The following VIPR2 variants were observed in gnomAD, a reference collection of about 807,000 sequenced individuals.
VIPR2 encodes the protein vasoactive intestinal polypeptide receptor 2.
Under a neutral mutation model 58.0 loss-of-function variants are expected in VIPR2, and 48 were observed. The ratio of observed to expected loss-of-function variants is 0.83; its 90% CI spans 0.66 to 1.05. VIPR2 has a LOEUF of 1.05. VIPR2 is among the 50% of genes least tolerant of loss of function. The pLI is 0.00. For synonymous variants in VIPR2, 243 were observed against 235.2 expected, an observed-to-expected ratio of 1.03 and a Z score of -0.30; for missense variants, 534 against 558.0, an observed-to-expected ratio of 0.96 and a Z score of 0.43.
rs116531485 is a variant in VIPR2, at chr7:159,059,703, C to T, written c.358-1125G>A. On this transcript the variant is annotated intron_variant, in intron 4 of 12. Transcript: ENST00000262178. ...TCCTCATCCTTCCCGACTCCACTCA[C>T]GAGAATATGTCATTAACCACCACCC... is the stretch of plus-strand genomic sequence containing the variant. Among the ~76,000 whole-genome samples the T allele has an allele frequency of 6.8e-3, 947 of 139,130 alleles. 6 individuals carry two copies. The highest frequency in any genetic ancestry group is 0.023 in the African/African-American group (908 of 40,044). 91.3% of individuals were successfully genotyped at this position (139,130 alleles called of 152,430 possible).
intron 7 of VIPR2, among the ~76,000 whole-genome samples, chr7:159,036,225 CTG>C (rs919764841): frequency 1.2e-4 from 18 of 152,232 alleles, no homozygotes; most frequent in African/African-American, 3.9e-4. Context: ...AGCTGAGAAT[CTG>C]AGACTTGCCA....
At chr7:159,144,467 C>G (rs1028762130) in intron 1 of VIPR2, 2 of 1,540,762 alleles carry the variant, frequency 1.3e-6, no homozygotes, top group Non-Finnish European at 1.8e-6. Flanking sequence ...CCAGCAAACC[C>G]CGGACGGTGG....
chr7:159,110,031 T>G (rs1190044458), intron 2 of VIPR2, 112 bp from the exon 3 acceptor site: 2 of 925,634 alleles, frequency 2.2e-6, no homozygotes, highest in African/African-American at 3.3e-5. Flanking sequence ...GAAACACACT[T>G]GCACCAACAC....
chr7:159,131,443 T>C (rs998349852), intron 2 of VIPR2, among the ~76,000 whole-genome samples: 3 of 152,206 alleles, frequency 2.0e-5, no homozygotes, highest in African/African-American at 7.2e-5. Flanking sequence ...TGATGCTTCC[T>C]TTATCCCCTT....
chr7:159,132,638 G>A (rs572163694), intron 2 of VIPR2, among the ~76,000 whole-genome samples: 84 of 152,242 alleles, frequency 5.5e-4, no homozygotes, highest in South Asian at 8.3e-4. Context: ...GGATGACTCC[G>A]AGTCACAGTG....
intron 2 of VIPR2, among the ~76,000 whole-genome samples, chr7:159,123,248 G>A (rs1319155064): frequency 7.7e-5 from 9 of 117,560 alleles, no homozygotes; most frequent in African/African-American, 1.3e-4. Context: ...AGCCAAGGTC[G>A]CCCCACTGCA....
intron 6 of VIPR2, among the ~76,000 whole-genome samples, chr7:159,041,749 G>A (rs1196272963): frequency 6.6e-6 from 1 of 151,994 alleles, no homozygotes; most frequent in South Asian, 2.1e-4. Flanking sequence ...CCATGGGTCC[G>A]AGTGGTCCTC....
At chr7:159,110,000 C>T in intron 2 of VIPR2, 81 bp from the exon 3 acceptor site, 7 of 1,317,238 alleles carry the variant, frequency 5.3e-6, no homozygotes, top group Non-Finnish European at 7.5e-6. Context: ...GAGATAACTG[C>T]CTCGCAAACT....
chr7:159,092,276 T>C (rs1857548677), intron 4 of VIPR2, among the ~76,000 whole-genome samples: 1 of 152,170 alleles, frequency 6.6e-6, no homozygotes, highest in South Asian at 2.1e-4. Flanking sequence ...CTGACACTCA[T>C]GAAGCCGAGA....
chr7:159,072,269 G>A (rs57521971), intron 4 of VIPR2, among the ~76,000 whole-genome samples: 4,647 of 152,050 alleles, frequency 0.031, 212 homozygotes, highest in African/African-American at 0.1. Flanking sequence ...AAAATCCAGA[G>A]TCCCATGTCT....
chr7:159,051,059 A>T (rs1026302663), intron 5 of VIPR2, among the ~76,000 whole-genome samples: 5 of 152,238 alleles, frequency 3.3e-5, no homozygotes, highest in Admixed American at 2.0e-4. Context: ...ACCAAAACTC[A>T]TAAGAATTCA....
chr7:159,099,159 CCTTTT>C lies in VIPR2; in HGVS notation c.357+4593_357+4597del, dbSNP rs1444528356. Among the ~76,000 whole-genome samples the C allele has an allele frequency of 1.3e-5, 2 of 152,254 alleles. No individual in the cohort carries two copies. Among genetic ancestry groups the C allele is most frequent in the Non-Finnish European group, 2.9e-5 (2 of 68,054 alleles). The stretch of plus-strand genomic sequence containing the variant: ...ATTATTCATTTTGGTTTTGTGCCAT[CCTTTT>C]CTTTGCTTTCTCACTTTAAAATATT... On this transcript the variant is annotated intron_variant, in intron 4 of 12. Coordinates refer to ENST00000262178, the MANE Select transcript of VIPR2 (RefSeq NM_003382.5). The surrounding 1 kb of genome is among the most constrained non-coding windows in gnomAD (Gnocchi z 4.2).
rs1224317697 is a variant in VIPR2, at chr7:159,095,517, G to A, written c.357+8240C>T. 1.3e-5 allele frequency among the ~76,000 whole-genome samples: 2 copies of A among 152,174 alleles called. No individual in the cohort carries two copies. The highest frequency in any genetic ancestry group is 1.9e-4 in the East Asian group (1 of 5,194). On this transcript the variant is annotated intron_variant, in intron 4 of 12. Transcript: ENST00000262178. This position sits in a 1 kb window ranked among gnomAD's most constrained non-coding sequence, Gnocchi z 5.2. ...AGTCTGGGGTTCAAAGGCAAAGCAC[G>A]TATAAATTTAAGTGGTTTTTTTAGT...
At chr7:159,116,295 T>C (rs1272859483) in intron 2 of VIPR2, among the ~76,000 whole-genome samples, 1 of 152,228 alleles carries the variant, frequency 6.6e-6, no homozygotes, top group African/African-American at 2.4e-5. Context: ...ATTTGTGCCA[T>C]AGCCACACAT....
intron 3 of VIPR2, among the ~76,000 whole-genome samples, chr7:159,108,679 T>C (rs1462061779): frequency 6.6e-6 from 1 of 152,224 alleles, no homozygotes; most frequent in Non-Finnish European, 1.5e-5. Context: ...TGGATTCTGG[T>C]GCTTGCTAAT....
intron 2 of VIPR2, among the ~76,000 whole-genome samples, chr7:159,114,699 A>C (rs112510967): frequency 0.04 from 6,127 of 152,136 alleles, 407 homozygotes; most frequent in African/African-American, 0.14. Flanking sequence ...CCAGCCACCC[A>C]GGAGGCTGAG....
intron 4 of VIPR2, 48 bp downstream of exon 4, chr7:159,103,709 G>A: frequency 7.0e-7 from 1 of 1,424,176 alleles, no homozygotes; most frequent in Non-Finnish European, 9.9e-7. Flanking sequence ...TTCTGGTGCA[G>A]TGTTAGGAAG....
chr7:159,109,295 G>A (rs1795896221), intron 3 of VIPR2, among the ~76,000 whole-genome samples: 1 of 152,206 alleles, frequency 6.6e-6, no homozygotes, highest in Non-Finnish European at 1.5e-5. Flanking sequence ...GAGGAGCCTG[G>A]AAGCCCAGAG....
intron 4 of VIPR2, among the ~76,000 whole-genome samples, chr7:159,076,392 G>C (rs921909088): frequency 1.3e-5 from 2 of 152,158 alleles, no homozygotes; most frequent in Non-Finnish European, 2.9e-5. Context: ...GCTTCTAAAA[G>C]ACAAACTGAT....
Sources: gnomAD v4.1 joint callset for allele counts (sites outside exome capture counted in the v4.1 genomes callset) on GRCh38, gnomAD v4.1.1 for gene constraint, Gnocchi (gnomAD v3.1) non-coding constraint, MANE v1.5 for transcripts, NCBI Gene and HGNC (gene_info 2026-07-23, HGNC 2026-07-21) for gene names.